Variants in EXOC4 observed in about 807,000 individuals in gnomAD.
The protein encoded by EXOC4 is exocyst complex component 4.
EXOC4 carries 71 observed loss-of-function variants against 107.2 expected under a neutral mutation model. The observed-to-expected ratio is 0.66, with a 90% CI of 0.55 to 0.81. EXOC4 has a LOEUF of 0.81. EXOC4 is among the 30% of genes least tolerant of loss of function. EXOC4 has a pLI of 0.00. For synonymous variants in EXOC4, 456 were observed against 441.2 expected (o/e 1.03, Z -0.42); for missense variants, 1,108 against 1,189.6 (o/e 0.93, Z 1.01).
chr7:133,457,054 T>C (rs919313618), intron 7 of EXOC4, among the ~76,000 whole-genome samples: 1 of 152,218 alleles, frequency 6.6e-6, no homozygotes, highest in Non-Finnish European at 1.5e-5. Context: ...CTGCATTCAA[T>C]AAATGCTCGT....
chr7:133,689,944 A>G (rs1180098276), intron 10 of EXOC4, among the ~76,000 whole-genome samples: 3 of 152,252 alleles, frequency 2.0e-5, no homozygotes, highest in Admixed American at 2.0e-4. Context: ...GGTTGGCTTT[A>G]CAGACTAAAA....
chr7:133,462,002 A>G (rs1798605449), intron 7 of EXOC4, among the ~76,000 whole-genome samples: 1 of 152,216 alleles, frequency 6.6e-6, no homozygotes, highest in South Asian at 2.1e-4. Context: ...GAAGACAGGC[A>G]TCATGGCTTT....
intron 13 of EXOC4, among the ~76,000 whole-genome samples, chr7:133,936,895 A>G (rs1800316543): frequency 6.6e-6 from 1 of 152,146 alleles, no homozygotes; most frequent in African/African-American, 2.4e-5. Flanking sequence ...TCCTGAGCTC[A>G]GGCAATCCAC....
chr7:133,387,998 T>C (rs1362227403), intron 7 of EXOC4, among the ~76,000 whole-genome samples: 1 of 140,170 alleles, frequency 7.1e-6, no homozygotes, highest in East Asian at 2.3e-4. Context: ...TCTTAGAACA[T>C]GTTACCAAAA....
At chr7:134,088,385 G>T in the EXOC4 span, among the ~76,000 whole-genome samples, 1 of 152,096 alleles carries the variant, frequency 6.6e-6, no homozygotes, top group Non-Finnish European at 1.5e-5. Context: ...AAACAAATAT[G>T]CTCCAAATTG....
intron 14 of EXOC4, among the ~76,000 whole-genome samples, chr7:133,976,739 A>G (rs545632436): frequency 3.9e-5 from 6 of 152,324 alleles, no homozygotes; most frequent in African/African-American, 1.4e-4. Context: ...AAGTCTTGCC[A>G]CAGTCTCAAA....
At chr7:133,466,243 A>G (rs1047158324) in intron 7 of EXOC4, among the ~76,000 whole-genome samples, 68 of 152,320 alleles carry the variant, frequency 4.5e-4, no homozygotes, top group African/African-American at 1.6e-3. Context: ...CTGTAGGAAA[A>G]AAAAGTGGAA....
At chr7:133,447,321 T>C (rs1301500894) in intron 7 of EXOC4, 3 of 152,292 alleles carry the variant, frequency 2.0e-5, no homozygotes, top group Non-Finnish European at 4.4e-5. Flanking sequence ...TTCTTACATA[T>C]GAGAAATGAA....
intron 10 of EXOC4, among the ~76,000 whole-genome samples, chr7:133,814,590 A>G (rs1797319655): frequency 6.6e-6 from 1 of 152,192 alleles, no homozygotes; most frequent in African/African-American, 2.4e-5. Context: ...TTTTTGAATA[A>G]TAGTGCCAAC....
At chr7:133,638,872 A>G (rs552145370) in intron 10 of EXOC4, among the ~76,000 whole-genome samples, 2 of 150,884 alleles carry the variant, frequency 1.3e-5, no homozygotes, top group African/African-American at 4.9e-5. Flanking sequence ...CTCTTTATCA[A>G]TTATTTTTTT....
At chr7:133,410,171 A>T (rs550096148) in intron 7 of EXOC4, among the ~76,000 whole-genome samples, 63 of 152,276 alleles carry the variant, frequency 4.1e-4, no homozygotes, top group African/African-American at 1.5e-3. Context: ...GTCTATGAGC[A>T]CCACATGGTT....
rs749509227 is a variant in EXOC4, at chr7:133,253,206, A to G, written c.86+19A>G. 2 of 1,612,448 alleles carry G rather than the reference A, an allele frequency of 1.2e-6. No individual in the cohort carries two copies. The highest frequency in any genetic ancestry group is 1.7e-5 in the Admixed American group (1 of 59,942). On this transcript the variant is annotated intron_variant, in intron 1 of 17. Transcript: ENST00000253861. ...TGATCAGGTGAGGGAGGCAGGAGGCAGGGTCTGGGGACTGGGGGCAGCGGC... is the reference window on the plus strand; with the variant it reads ...TGATCAGGTGAGGGAGGCAGGAGGCGGGGTCTGGGGACTGGGGGCAGCGGC...
chr7:133,719,054 A>G lies in EXOC4; in HGVS notation c.1514+88913A>G, dbSNP rs188029648. 3.8e-3 allele frequency among the ~76,000 whole-genome samples: 579 copies of G among 152,210 alleles called. 3 individuals carry two copies. The highest frequency in any genetic ancestry group is 5.0e-3 in the Non-Finnish European group (337 of 67,980). ...TTGAATTGTAACTCCCACAATTCCT[A>G]TGTTTTGTGGGAGGGACCTAGTAGG... On this transcript the variant is annotated intron_variant, in intron 10 of 17. Coordinates refer to ENST00000253861, the MANE Select transcript of EXOC4 (RefSeq NM_021807.4).
intron 13 of EXOC4, among the ~76,000 whole-genome samples, chr7:133,930,051 A>G (rs967766369): frequency 3.3e-5 from 5 of 152,214 alleles, no homozygotes; most frequent in Admixed American, 6.5e-5. Context: ...TGCTATATAA[A>G]GTATGGCTTT....
At chr7:133,367,455 A>G (rs759459897) in intron 6 of EXOC4, among the ~76,000 whole-genome samples, 15 of 152,252 alleles carry the variant, frequency 9.9e-5, no homozygotes, top group Non-Finnish European at 1.6e-4. Flanking sequence ...ATGGAGCAAA[A>G]TAATTATTTG....
the EXOC4 span, among the ~76,000 whole-genome samples, chr7:134,087,840 T>C: frequency 6.6e-6 from 1 of 152,212 alleles, no homozygotes; most frequent in Non-Finnish European, 1.5e-5. Flanking sequence ...AGACAAATCA[T>C]GGTAAGACTG....
chr7:134,047,588 TA>T (rs146877338), intron 17 of EXOC4, among the ~76,000 whole-genome samples: 2,689 of 152,272 alleles, frequency 0.018, 84 homozygotes, highest in African/African-American at 0.062. Flanking sequence ...ACAGTGACTC[TA>T]GGAGTTCCCA....
chr7:133,371,120 G>A (rs572654025), intron 6 of EXOC4, among the ~76,000 whole-genome samples: 2 of 152,082 alleles, frequency 1.3e-5, no homozygotes, highest in Non-Finnish European at 2.9e-5. Context: ...ACAACACCTC[G>A]CTTTTTGAGA....
At chr7:134,036,070 C>T (rs570336719) in intron 17 of EXOC4, among the ~76,000 whole-genome samples, 10 of 152,282 alleles carry the variant, frequency 6.6e-5, no homozygotes, top group Admixed American at 2.0e-4. Flanking sequence ...GAACCTAAGA[C>T]TTAAACGTGA....
Sources: allele counts gnomAD v4.1 joint callset (sites outside exome capture counted in the v4.1 genomes callset), GRCh38; gene constraint gnomAD v4.1.1; transcripts MANE v1.5; gene names NCBI Gene and HGNC (gene_info 2026-07-23, HGNC 2026-07-21).